WIPF2: variants seen among roughly 807,000 people sequenced by gnomAD.
The protein encoded by WIPF2 is WAS/WASL-interacting protein family member 2.
In WIPF2, 23 loss-of-function variants were observed where a neutral mutation model predicts 38.8. The observed-to-expected ratio is 0.59, with a 90% CI of 0.43 to 0.84. WIPF2 has a LOEUF of 0.84. Ranked by LOEUF, WIPF2 falls within the 40% of genes least tolerant of loss-of-function variation. WIPF2 has a pLI of 0.00. For synonymous variants in WIPF2, 210 were observed against 223.2 expected (o/e 0.94, Z 0.53); for missense variants, 574 against 580.5 (o/e 0.99, Z 0.11).
chr17:40,264,973 C>G lies in WIPF2; in HGVS notation c.797C>G (p.Ser266Cys), dbSNP rs1321657186. The G allele has an allele frequency of 1.4e-5, 22 of 1,614,050 alleles. No homozygotes were observed. The highest frequency in any genetic ancestry group is 5.3e-5 in the African/African-American group (4 of 74,934). ...CCTCCTGGGGTCCCCAATGGACCCT[C>G]TAGCCCCACTAATGAGTCAGCCCCT... ...RQPPGVPNGP[S>C]SPTNESAPEL... The change falls in exon 5 of 8, where the codon TCT (serine) becomes TGT (cysteine). Residue 266 changes from serine to cysteine, a missense_variant. By Grantham distance (112) the Ser-to-Cys change is moderately radical (BLOSUM62 -1). Coordinates refer to ENST00000323571, the MANE Select transcript of WIPF2 (RefSeq NM_133264.5).
chr17:40,225,465 A>G (rs1374406327), intron 1 of WIPF2, among the ~76,000 whole-genome samples: 2 of 152,192 alleles, frequency 1.3e-5, no homozygotes, highest in African/African-American at 2.4e-5. Flanking sequence ...AAGAGCCTGC[A>G]GAAGTATGTA....
chr17:40,277,060 T>A, intron 6 of WIPF2, 23 bp from the exon 7 acceptor site: 1 of 1,589,132 alleles, frequency 6.3e-7, no homozygotes, highest in South Asian at 1.1e-5. Flanking sequence ...ATGATAGGAA[T>A]TAATGTTCTA....
intron 2 of WIPF2, among the ~76,000 whole-genome samples, chr17:40,257,664 T>C (rs2031770028): frequency 6.7e-6 from 1 of 148,664 alleles, no homozygotes. Flanking sequence ...GAGAATTGCT[T>C]GAACCCAGGA....
intron 1 of WIPF2, among the ~76,000 whole-genome samples, chr17:40,253,291 T>A (rs1470500251): frequency 1.3e-5 from 2 of 151,212 alleles, no homozygotes; most frequent in Non-Finnish European, 2.9e-5. Flanking sequence ...CTCCATCTCC[T>A]GACCTCATGA....
Position 40,279,577 on chromosome 17 carries a change from A to G in WIPF2, c.*1352A>G, listed in dbSNP as rs1183682985. ...CTTTGTCTTCCGGGTCCTAAAGAGC[A>G]CAGAGAAAATGGAGGTCCCCAGTCT... On this transcript the variant is annotated 3_prime_UTR_variant, in exon 8 of 8. Coordinates refer to ENST00000323571, the MANE Select transcript of WIPF2 (RefSeq NM_133264.5). The G allele has an allele frequency of 1.3e-5, 2 of 152,632 alleles. No individual in the cohort carries two copies. Among genetic ancestry groups the G allele is most frequent in the African/African-American group, 2.4e-5 (1 of 41,444 alleles). 9.5% of individuals were successfully genotyped at this position (152,632 alleles called of 1,614,324 possible). A position where few individuals can be genotyped will look rare whatever the true frequency, so the allele number is the denominator to read the frequency against.
intron 1 of WIPF2, among the ~76,000 whole-genome samples, chr17:40,232,932 C>G (rs751269489): frequency 1.6e-4 from 24 of 152,236 alleles, no homozygotes; most frequent in Non-Finnish European, 3.1e-4. Context: ...GCCACCATAC[C>G]TGGCTCATTT....
At chr17:40,277,047 A>G (rs1231629241) in intron 6 of WIPF2, 36 bp from the exon 7 acceptor site, 1 of 1,562,190 alleles carries the variant, frequency 6.4e-7, no homozygotes. Flanking sequence ...AGCACAAGCA[A>G]GGATGATAGG....
chr17:40,226,380 T>A (rs993572041), intron 1 of WIPF2, among the ~76,000 whole-genome samples: 3 of 151,590 alleles, frequency 2.0e-5, no homozygotes, highest in Non-Finnish European at 4.4e-5. Flanking sequence ...ATTTAATTTT[T>A]TTTTTTTTGT....
chr17:40,240,806 G>A (rs149704182), intron 1 of WIPF2, among the ~76,000 whole-genome samples: 158 of 151,882 alleles, frequency 1.0e-3, no homozygotes, highest in Middle Eastern at 3.4e-3. Context: ...TTAGCTGGGC[G>A]TGGTGGCAGG....
chr17:40,247,363 T>C (rs2031405749), intron 1 of WIPF2, among the ~76,000 whole-genome samples: 1 of 149,850 alleles, frequency 6.7e-6, no homozygotes, highest in Non-Finnish European at 1.5e-5. Flanking sequence ...GGATTACAGG[T>C]GCGTGCCACC....
chr17:40,266,052 AG>A (rs1029448493), intron 5 of WIPF2, among the ~76,000 whole-genome samples: 1 of 152,086 alleles, frequency 6.6e-6, no homozygotes, highest in Non-Finnish European at 1.5e-5. Flanking sequence ...TTTCGGCTAG[AG>A]AGATACATTT....
intron 1 of WIPF2, chr17:40,220,618 TG>T (rs2030182742): frequency 9.8e-5 from 11 of 112,662 alleles, no homozygotes; most frequent in Admixed American, 6.0e-4. Context: ...TATATATATA[TG>T]TATATATATA....
intron 1 of WIPF2, among the ~76,000 whole-genome samples, chr17:40,234,258 T>G (rs989190179): frequency 6.6e-6 from 1 of 150,650 alleles, no homozygotes; most frequent in Admixed American, 6.6e-5. Context: ...TCCCAGCTAC[T>G]CGGGAGGCGC....
intron 1 of WIPF2, among the ~76,000 whole-genome samples, chr17:40,240,254 G>A (rs1179068889): frequency 6.6e-6 from 1 of 151,728 alleles, no homozygotes; most frequent in East Asian, 1.9e-4. Flanking sequence ...TAGTAGAGAC[G>A]GGGTTTCACC....
Position 40,243,582 on chromosome 17 carries a change from C to T in WIPF2, c.-69-12809C>T, listed in dbSNP as rs189364693. On this transcript the variant is annotated intron_variant, in intron 1 of 7. Transcript: ENST00000323571. ...AGGCTGGAGTGCAATGGTGCCATCT[C>T]GGCTCACTGCAACCTCTGCCTACCG... Among the ~76,000 whole-genome samples the T allele has an allele frequency of 3.3e-4, 50 of 151,868 alleles. 1 individual carries two copies. Among genetic ancestry groups the T allele is most frequent in the African/African-American group, 7.7e-4 (32 of 41,430 alleles).
chr17:40,266,551 A>G (rs2032094007), intron 5 of WIPF2, among the ~76,000 whole-genome samples: 1 of 152,138 alleles, frequency 6.6e-6, no homozygotes, highest in Non-Finnish European at 1.5e-5. Flanking sequence ...GAATGCAGGA[A>G]TAGGAGGAGA....
intron 1 of WIPF2, among the ~76,000 whole-genome samples, chr17:40,223,595 T>G (rs1167243728): frequency 6.8e-6 from 1 of 147,376 alleles, no homozygotes. Flanking sequence ...AAATTTTTTT[T>G]TGGGTTTTTT....
intron 2 of WIPF2, among the ~76,000 whole-genome samples, chr17:40,257,169 G>T (rs761989872): frequency 2.0e-5 from 3 of 151,990 alleles, no homozygotes; most frequent in Admixed American, 6.6e-5. Flanking sequence ...AGTAGAGATG[G>T]GGTTTCACCA....
chr17:40,230,059 C>A (rs1311368804), intron 1 of WIPF2, among the ~76,000 whole-genome samples: 1 of 152,164 alleles, frequency 6.6e-6, no homozygotes, highest in Non-Finnish European at 1.5e-5. Context: ...GGTAAATAGG[C>A]TGGCATGGTG....
Sources: allele counts gnomAD v4.1 joint callset (sites outside exome capture counted in the v4.1 genomes callset), GRCh38; gene constraint gnomAD v4.1.1; transcripts MANE v1.5; gene names NCBI Gene and HGNC (gene_info 2026-07-23, HGNC 2026-07-21).